PID1: variants seen among roughly 807,000 people sequenced by gnomAD.
PID1 encodes PTB-containing, cubilin and LRP1-interacting protein.
A neutral mutation model predicts 19.1 loss-of-function variants in PID1; 10 were observed. The observed-to-expected ratio is 0.52, with a 90% CI of 0.32 to 0.89. The LOEUF (loss-of-function observed/expected upper bound fraction) is 0.89. Ranked by LOEUF, PID1 falls within the 40% of genes least tolerant of loss-of-function variation. The pLI is 0.03. For synonymous variants in PID1, 130 were observed against 116.0 expected, an observed-to-expected ratio of 1.12 and a Z score of -0.78; for missense variants, 248 against 285.3, an observed-to-expected ratio of 0.87 and a Z score of 0.94.
intron 1 of PID1, among the ~76,000 whole-genome samples, chr2:229,213,853 A>G (rs1691789287): frequency 6.6e-6 from 1 of 152,246 alleles, no homozygotes; most frequent in Non-Finnish European, 1.5e-5. Flanking sequence ...CACATGAAGC[A>G]GTAAATTCAC....
chr2:229,038,983 C>G (rs925189555), intron 2 of PID1, among the ~76,000 whole-genome samples: 1 of 152,088 alleles, frequency 6.6e-6, no homozygotes, highest in Admixed American at 6.5e-5. Flanking sequence ...GAAAGAATCT[C>G]ACAATGTAAC....
intron 2 of PID1, among the ~76,000 whole-genome samples, chr2:229,129,413 CAA>C (rs370442954): frequency 7.2e-4 from 80 of 111,046 alleles, no homozygotes; most frequent in African/African-American, 2.0e-3. Flanking sequence ...GACTCCATCT[CAA>C]AAAAAAAAAA....
intron 1 of PID1, among the ~76,000 whole-genome samples, chr2:229,239,775 A>G (rs887149700): frequency 6.6e-6 from 1 of 152,152 alleles, no homozygotes; most frequent in African/African-American, 2.4e-5. Flanking sequence ...TTACAATGTA[A>G]TTCTGGACTA....
chr2:229,217,488 G>A (rs1288276239), intron 1 of PID1, among the ~76,000 whole-genome samples: 2 of 152,190 alleles, frequency 1.3e-5, no homozygotes, highest in African/African-American at 4.8e-5. Context: ...AAAATGGAGA[G>A]AGATGGAGGG....
intron 2 of PID1, among the ~76,000 whole-genome samples, chr2:229,099,912 C>A (rs773621537): frequency 9.9e-5 from 15 of 152,154 alleles, no homozygotes; most frequent in Non-Finnish European, 1.9e-4. Context: ...CTCCAAAATT[C>A]ATACGTCAAA....
intron 2 of PID1, among the ~76,000 whole-genome samples, chr2:229,143,838 C>T (rs1457082469): frequency 6.6e-6 from 1 of 152,114 alleles, no homozygotes; most frequent in African/African-American, 2.4e-5. Flanking sequence ...CCCCTTCCGC[C>T]ATGATTTTAA....
At chr2:229,103,705 T>C (rs919842640) in intron 2 of PID1, among the ~76,000 whole-genome samples, 2 of 149,546 alleles carry the variant, frequency 1.3e-5, no homozygotes, top group African/African-American at 4.9e-5. Flanking sequence ...GCCTCCCGAA[T>C]AGCTGGGATT....
intron 1 of PID1, among the ~76,000 whole-genome samples, chr2:229,158,434 T>C (rs1690426153): frequency 6.6e-6 from 1 of 152,196 alleles, no homozygotes; most frequent in Non-Finnish European, 1.5e-5. Flanking sequence ...ACTTGCTTTG[T>C]TTACTTTATT....
intron 1 of PID1, among the ~76,000 whole-genome samples, chr2:229,179,885 C>T (rs1470418269): frequency 6.6e-6 from 1 of 152,180 alleles, no homozygotes; most frequent in Non-Finnish European, 1.5e-5. Context: ...CCACACGGAC[C>T]TCTGCTCAGA....
intron 1 of PID1, among the ~76,000 whole-genome samples, chr2:229,217,416 A>G (rs1691870633): frequency 1.3e-5 from 2 of 152,250 alleles, no homozygotes; most frequent in Admixed American, 1.3e-4. Context: ...TTATTCATTC[A>G]AAGCCTCTCC....
intron 2 of PID1, among the ~76,000 whole-genome samples, chr2:229,138,025 C>T (rs184215534): frequency 1.3e-5 from 2 of 152,306 alleles, no homozygotes; most frequent in Non-Finnish European, 2.9e-5. Context: ...CTTCACACTA[C>T]GTTCCCCAGA....
chr2:229,231,760 T>C (rs1415736230), intron 1 of PID1, among the ~76,000 whole-genome samples: 1 of 152,186 alleles, frequency 6.6e-6, no homozygotes, highest in African/African-American at 2.4e-5. Flanking sequence ...CTGTCATTCA[T>C]GTTGCCATGG....
chr2:229,254,188 G>A (rs1690229427), intron 1 of PID1, among the ~76,000 whole-genome samples: 1 of 152,082 alleles, frequency 6.6e-6, no homozygotes, highest in Non-Finnish European at 1.5e-5. Context: ...AAAATTGAAT[G>A]GAGTCTCCCT....
intron 2 of PID1, among the ~76,000 whole-genome samples, chr2:229,056,271 G>A (rs971982121): frequency 6.6e-6 from 1 of 152,022 alleles, no homozygotes; most frequent in Non-Finnish European, 1.5e-5. Context: ...CCCAATTAAC[G>A]GCCAAACCCT....
intron 2 of PID1, among the ~76,000 whole-genome samples, chr2:229,031,924 T>C (rs1475057766): frequency 6.6e-6 from 1 of 152,250 alleles, no homozygotes; most frequent in African/African-American, 2.4e-5. Flanking sequence ...TGTAAGTCAC[T>C]GAAAAACACT....
intron 2 of PID1, among the ~76,000 whole-genome samples, chr2:229,056,853 T>C (rs1694112982): frequency 6.6e-6 from 1 of 152,104 alleles, no homozygotes; most frequent in African/African-American, 2.4e-5. Flanking sequence ...TATTTCCTGA[T>C]TTTTCATGCC....
chr2:229,128,792 T>C (rs926909469), intron 2 of PID1, among the ~76,000 whole-genome samples: 2 of 151,984 alleles, frequency 1.3e-5, no homozygotes, highest in Admixed American at 6.6e-5. Flanking sequence ...AATTAATGGG[T>C]AAAAAAATAG....
intron 1 of PID1, among the ~76,000 whole-genome samples, chr2:229,257,547 C>T (rs1690335066): frequency 6.6e-6 from 1 of 152,186 alleles, no homozygotes; most frequent in African/African-American, 2.4e-5. Context: ...AGGGGATTCT[C>T]GGTTTATGCC....
At chr2:229,265,136 T>C (rs559265733) in intron 1 of PID1, among the ~76,000 whole-genome samples, 108 of 152,232 alleles carry the variant, frequency 7.1e-4, no homozygotes, top group Non-Finnish European at 1.4e-3. Context: ...ATGCTTTTTT[T>C]TCGTTATTTT....
Sources: allele counts gnomAD v4.1 joint callset (sites outside exome capture counted in the v4.1 genomes callset), GRCh38; gene constraint gnomAD v4.1.1; transcripts MANE v1.5; gene names NCBI Gene and HGNC (gene_info 2026-07-23, HGNC 2026-07-21).